Variants in PCDH9 observed in about 807,000 individuals in gnomAD.
The protein encoded by PCDH9 is protocadherin-9.
PCDH9 carries 24 observed loss-of-function variants against 70.6 expected under a neutral mutation model. That is an observed-to-expected ratio of 0.34 (90% CI 0.25 to 0.48). PCDH9 has a LOEUF of 0.48. Ranked by LOEUF, PCDH9 falls within the 20% of genes least tolerant of loss-of-function variation. The pLI is 0.99. For missense variants in PCDH9, 1,281 were observed against 1,503.6 expected (o/e 0.85, Z 2.45); for synonymous variants, 562 against 558.5 (o/e 1.01, Z -0.09).
At chr13:66,622,898 A>G (rs1374805294) in intron 4 of PCDH9, among the ~76,000 whole-genome samples, 1 of 152,138 alleles carries the variant, frequency 6.6e-6, no homozygotes, top group Admixed American at 6.5e-5. Context: ...TGTAACACTC[A>G]CCGCAAAGGT....
intron 3 of PCDH9, among the ~76,000 whole-genome samples, chr13:66,636,584 CAA>C (rs968493309): frequency 6.6e-6 from 1 of 151,912 alleles, no homozygotes; most frequent in African/African-American, 2.4e-5. Flanking sequence ...AAAATAGAAA[CAA>C]AAAGTTATTT....
At chr13:66,783,620 T>G (rs879896744) in intron 3 of PCDH9, among the ~76,000 whole-genome samples, 5 of 152,188 alleles carry the variant, frequency 3.3e-5, no homozygotes, top group Non-Finnish European at 5.9e-5. Flanking sequence ...TTTTAAGTAA[T>G]TCAAATTCAT....
At chr13:66,640,461 A>T (rs1032160102) in intron 3 of PCDH9, among the ~76,000 whole-genome samples, 4 of 152,098 alleles carry the variant, frequency 2.6e-5, no homozygotes, top group African/African-American at 9.7e-5. Flanking sequence ...CCCCAATTTT[A>T]TACAATAATT....
At chr13:67,183,381 A>G (rs1481492291) in intron 2 of PCDH9, among the ~76,000 whole-genome samples, 1 of 152,188 alleles carries the variant, frequency 6.6e-6, no homozygotes, top group Non-Finnish European at 1.5e-5. Context: ...AAGTTCCTGC[A>G]TTCACAAGTC....
intron 4 of PCDH9, among the ~76,000 whole-genome samples, chr13:66,456,820 G>A (rs1254966604): frequency 1.3e-5 from 2 of 151,952 alleles, no homozygotes; most frequent in Admixed American, 1.3e-4. Flanking sequence ...TATGGAGTAT[G>A]GTGATTAGAC....
chr13:67,051,418 A>C (rs2085322761), intron 2 of PCDH9, among the ~76,000 whole-genome samples: 1 of 98,152 alleles, frequency 1.0e-5, no homozygotes, highest in Non-Finnish European at 2.0e-5. Context: ...TTTGAGACAG[A>C]GTCTCATTCT....
chr13:66,341,343 G>A (rs969692079), intron 4 of PCDH9, among the ~76,000 whole-genome samples: 3 of 151,958 alleles, frequency 2.0e-5, no homozygotes, highest in Admixed American at 6.6e-5. Context: ...ATCCTCCTGC[G>A]CTGGCCACTC....
chr13:66,873,072 A>G (rs1215429991), intron 3 of PCDH9, among the ~76,000 whole-genome samples: 1 of 152,132 alleles, frequency 6.6e-6, no homozygotes, highest in African/African-American at 2.4e-5. Flanking sequence ...TTACCTTTAA[A>G]TATTATAAAG....
chr13:66,844,952 T>A (rs966298935), intron 3 of PCDH9, among the ~76,000 whole-genome samples: 9 of 152,178 alleles, frequency 5.9e-5, no homozygotes, highest in Non-Finnish European at 1.5e-5. Context: ...CTATGGCCAC[T>A]GGTGCCTTTG....
intron 2 of PCDH9, among the ~76,000 whole-genome samples, chr13:67,163,644 G>T (rs1594597813): frequency 1.3e-5 from 2 of 152,170 alleles, no homozygotes; most frequent in East Asian, 3.8e-4. Context: ...CATGAGAAAA[G>T]TTTGTTTTTA....
intron 3 of PCDH9, among the ~76,000 whole-genome samples, chr13:66,794,266 GA>G (rs1472371784): frequency 6.6e-6 from 1 of 151,978 alleles, no homozygotes; most frequent in African/African-American, 2.4e-5. Context: ...GCAAGAAAGA[GA>G]AAAGGAAGGA....
At chr13:66,651,718 A>T (rs1299951249) in intron 3 of PCDH9, among the ~76,000 whole-genome samples, 3 of 152,052 alleles carry the variant, frequency 2.0e-5, no homozygotes, top group Admixed American at 6.5e-5. Flanking sequence ...AAAACAGAAA[A>T]CTATAAGCCA....
At chr13:66,852,923 G>T (rs1293910480) in intron 3 of PCDH9, among the ~76,000 whole-genome samples, 1 of 149,522 alleles carries the variant, frequency 6.7e-6, no homozygotes, top group Non-Finnish European at 1.5e-5. Context: ...GAGTCCTTAG[G>T]TGATTTTTAT....
chr13:67,025,637 T>C (rs1279486541), intron 2 of PCDH9, among the ~76,000 whole-genome samples: 1 of 152,114 alleles, frequency 6.6e-6, no homozygotes, highest in Non-Finnish European at 1.5e-5. Context: ...ATTTCAAAAA[T>C]AGTATATTAA....
At chr13:66,651,478 C>G (rs978050536) in intron 3 of PCDH9, among the ~76,000 whole-genome samples, 1 of 151,940 alleles carries the variant, frequency 6.6e-6, no homozygotes, top group Admixed American at 6.6e-5. Context: ...CTGAACATAC[C>G]TATAACAAGT....
At chr13:66,887,132 CT>C (rs111717667) in intron 3 of PCDH9, among the ~76,000 whole-genome samples, 2,993 of 144,506 alleles carry the variant, frequency 0.021, 79 homozygotes, top group African/African-American at 0.064. Context: ...CTAGCAATGC[CT>C]TTTTTTTTTT....
At chr13:66,418,784 A>C (rs1957507850) in intron 4 of PCDH9, among the ~76,000 whole-genome samples, 1 of 152,074 alleles carries the variant, frequency 6.6e-6, no homozygotes, top group South Asian at 2.1e-4. Flanking sequence ...CCTTCAAAAA[A>C]ATCAATGAAT....
At chr13:67,210,457 G>C (rs2089445891) in intron 2 of PCDH9, 1 of 151,918 alleles carries the variant, frequency 6.6e-6, no homozygotes, top group African/African-American at 2.4e-5. Flanking sequence ...TTTTGTAATT[G>C]TTTTTCTTGA....
At chr13:66,680,364 G>A (rs1593883223) in intron 3 of PCDH9, among the ~76,000 whole-genome samples, 1 of 152,062 alleles carries the variant, frequency 6.6e-6, no homozygotes, top group East Asian at 1.9e-4. Context: ...AGTATAGAAT[G>A]AAATCAATCA....
Sources: allele counts gnomAD v4.1 joint callset (sites outside exome capture counted in the v4.1 genomes callset), GRCh38; gene constraint gnomAD v4.1.1; transcripts MANE v1.5; gene names NCBI Gene and HGNC (gene_info 2026-07-23, HGNC 2026-07-21).